The following KAT6B variants were observed in gnomAD, a reference collection of about 807,000 sequenced individuals.
KAT6B encodes the protein histone acetyltransferase KAT6B.
KAT6B carries 10 observed loss-of-function variants against 187.5 expected under a neutral mutation model. The observed-to-expected ratio is 0.05, with a 90% CI of 0.03 to 0.09. The LOEUF (loss-of-function observed/expected upper bound fraction) is 0.09. Ranked by LOEUF, KAT6B falls within the 10% of genes least tolerant of loss-of-function variation. KAT6B has a pLI of 1.00. For missense variants in KAT6B, 1,952 were observed against 2,558.9 expected, an observed-to-expected ratio of 0.76 and a Z score of 5.12; for synonymous variants, 861 against 926.8, an observed-to-expected ratio of 0.93 and a Z score of 1.29.
rs377166654 is a variant in KAT6B, at chr10:74,872,444, C to T, written c.621+28966C>T. On this transcript the variant is annotated intron_variant, in intron 3 of 17. Transcript: ENST00000287239. ...AGGCTGGAGTGCAGTGACACGATCT[C>T]GGCTCAGCGCAACCTCTGCCTCCAA... is the stretch of plus-strand genomic sequence containing the variant. Among the ~76,000 whole-genome samples, 38 of 152,208 alleles carry T rather than the reference C, an allele frequency of 2.5e-4. 1 individual carries two copies. Among genetic ancestry groups the T allele is most frequent in the East Asian group, 2.3e-3 (12 of 5,176 alleles).
chr10:74,931,269 C>T (rs1454326622), intron 3 of KAT6B, among the ~76,000 whole-genome samples: 1 of 152,142 alleles, frequency 6.6e-6, no homozygotes, highest in Non-Finnish European at 1.5e-5. Context: ...TGAATCTTTG[C>T]TCAAGTCCCC....
chr10:74,898,453 A>ATT (rs75371151), intron 3 of KAT6B, among the ~76,000 whole-genome samples: 7 of 146,544 alleles, frequency 4.8e-5, no homozygotes, highest in African/African-American at 1.7e-4. Context: ...TCTTTCTACA[A>ATT]TTTTTTTTTT....
At chr10:74,900,352 C>T (rs1371752880) in intron 3 of KAT6B, among the ~76,000 whole-genome samples, 1 of 152,150 alleles carries the variant, frequency 6.6e-6, no homozygotes, top group Non-Finnish European at 1.5e-5. Flanking sequence ...GTGGATTGGG[C>T]CCAGTTGGCT....
intron 13 of KAT6B, among the ~76,000 whole-genome samples, chr10:74,998,926 T>C (rs1843640367): frequency 6.6e-6 from 1 of 152,112 alleles, no homozygotes; most frequent in Non-Finnish European, 1.5e-5. Context: ...AGACCCTGTT[T>C]CTTAAAAAAA....
intron 3 of KAT6B, among the ~76,000 whole-genome samples, chr10:74,875,858 G>T (rs1046610878): frequency 6.6e-6 from 1 of 152,022 alleles, no homozygotes; most frequent in African/African-American, 2.4e-5. Flanking sequence ...ATTTTTTACT[G>T]TATGTACTGC....
At chr10:74,885,044 A>T (rs1355888384) in intron 3 of KAT6B, among the ~76,000 whole-genome samples, 1 of 152,040 alleles carries the variant, frequency 6.6e-6, no homozygotes, top group Non-Finnish European at 1.5e-5. Flanking sequence ...AATTTTCTTG[A>T]AAATGTAAAT....
chr10:74,960,385 T>C (rs1357224454), intron 4 of KAT6B, among the ~76,000 whole-genome samples: 1 of 152,086 alleles, frequency 6.6e-6, no homozygotes, highest in Non-Finnish European at 1.5e-5. Context: ...TAGAGAATTC[T>C]AAGCTTTCAA....
intron 2 of KAT6B, among the ~76,000 whole-genome samples, chr10:74,839,952 T>C (rs1028232909): frequency 1.3e-5 from 2 of 152,198 alleles, no homozygotes; most frequent in African/African-American, 4.8e-5. Context: ...ATGACATAGA[T>C]GACAGAATCA....
chr10:74,936,473 A>G (rs1012427595), intron 3 of KAT6B, among the ~76,000 whole-genome samples: 1 of 152,158 alleles, frequency 6.6e-6, no homozygotes, highest in Non-Finnish European at 1.5e-5. Context: ...TTTTTAAAAA[A>G]TAATATACTA....
chr10:74,830,193 CTT>C (rs1840644283), intron 1 of KAT6B, among the ~76,000 whole-genome samples: 1 of 152,044 alleles, frequency 6.6e-6, no homozygotes, highest in Non-Finnish European at 1.5e-5. Context: ...CTTTAAGCAT[CTT>C]TTTATAGAAC....
At chr10:74,848,240 A>G (rs1443153849) in intron 3 of KAT6B, among the ~76,000 whole-genome samples, 2 of 152,172 alleles carry the variant, frequency 1.3e-5, no homozygotes, top group African/African-American at 4.8e-5. Flanking sequence ...TTCTATGGCT[A>G]GGGTCTATAG....
chr10:74,888,904 T>C (rs910339535), intron 3 of KAT6B, among the ~76,000 whole-genome samples: 1 of 152,238 alleles, frequency 6.6e-6, no homozygotes, highest in Admixed American at 6.5e-5. Context: ...AGAAAAAATA[T>C]AAAATTATTA....
chr10:74,885,433 A>C (rs183288665), intron 3 of KAT6B, among the ~76,000 whole-genome samples: 13 of 152,298 alleles, frequency 8.5e-5, no homozygotes, highest in African/African-American at 3.1e-4. Context: ...GCTCTTAACC[A>C]GTTGAGGCTG....
chr10:74,890,619 C>T lies in KAT6B; in HGVS notation c.621+47141C>T, dbSNP rs555902686. ...AGTAGTACAGTTTTCTCGGAGTACA[C>T]GTCTATTAAAGGGAAGCAGTAGGAA... On this transcript the variant is annotated intron_variant, in intron 3 of 17. Transcript: ENST00000287239. Among the ~76,000 whole-genome samples, 5 of 152,170 alleles carry T rather than the reference C, an allele frequency of 3.3e-5. No individual in the cohort carries two copies. The East Asian group carries it at 9.6e-4, about 29-fold the overall frequency.
chr10:74,989,401 A>C (rs371694652), intron 13 of KAT6B, among the ~76,000 whole-genome samples: 62 of 152,360 alleles, frequency 4.1e-4, no homozygotes, highest in African/African-American at 1.4e-3. Flanking sequence ...TGTGGTGCTC[A>C]TGCTCATTAG....
At chr10:74,856,744 C>CA (rs1005951586) in intron 3 of KAT6B, among the ~76,000 whole-genome samples, 8 of 151,732 alleles carry the variant, frequency 5.3e-5, no homozygotes, top group Admixed American at 2.0e-4. Context: ...ACAGAAAATA[C>CA]AAAAAAATCA....
intron 1 of KAT6B, among the ~76,000 whole-genome samples, chr10:74,834,475 T>A (rs565494495): frequency 3.3e-5 from 5 of 151,994 alleles, no homozygotes; most frequent in South Asian, 4.2e-4. Context: ...GGATTACAGG[T>A]GTGAGCCACT....
At chr10:74,973,534 T>TC (rs1841975558) in intron 7 of KAT6B, among the ~76,000 whole-genome samples, 1 of 152,190 alleles carries the variant, frequency 6.6e-6, no homozygotes, top group Admixed American at 6.5e-5. Context: ...TTGAACAGAC[T>TC]CCAAGAATCT....
At chr10:75,011,015 A>C (rs759479318) in intron 13 of KAT6B, among the ~76,000 whole-genome samples, 1 of 152,162 alleles carries the variant, frequency 6.6e-6, no homozygotes, top group Non-Finnish European at 1.5e-5. Context: ...TTCAGTGGTA[A>C]GTTCTTGTTA....
Sources: gnomAD v4.1 joint callset for allele counts (sites outside exome capture counted in the v4.1 genomes callset) on GRCh38, gnomAD v4.1.1 for gene constraint, MANE v1.5 for transcripts, NCBI Gene and HGNC (gene_info 2026-07-23, HGNC 2026-07-21) for gene names.